Variants in PLPPR1 observed in about 807,000 individuals in gnomAD.
The protein encoded by PLPPR1 is phospholipid phosphatase-related protein type 1.
Under a neutral mutation model 33.1 loss-of-function variants are expected in PLPPR1, and 10 were observed. The observed-to-expected ratio is 0.30, with a 90% confidence interval of 0.19 to 0.51. The LOEUF (loss-of-function observed/expected upper bound fraction) is 0.51. Among genes scored for constraint, PLPPR1 ranks in the 20% least tolerant of loss-of-function variants. The pLI is 0.97. For synonymous variants in PLPPR1, 151 were observed against 151.0 expected, an observed-to-expected ratio of 1.00 and a Z score of 0.00; for missense variants, 304 against 408.1, an observed-to-expected ratio of 0.74 and a Z score of 2.20.
chr9:101,101,084 C>A (rs990336906), intron 1 of PLPPR1, among the ~76,000 whole-genome samples: 10 of 152,126 alleles, frequency 6.6e-5, no homozygotes, highest in Admixed American at 2.6e-4. Context: ...TTTGTGCATT[C>A]TTTTATTATA....
At chr9:101,168,905 T>C (rs535335201) in intron 1 of PLPPR1, among the ~76,000 whole-genome samples, 5 of 152,260 alleles carry the variant, frequency 3.3e-5, no homozygotes, top group African/African-American at 1.2e-4. Context: ...CCTTGACCTT[T>C]TATGTAGTCA....
At chr9:101,244,698 C>T (rs929795900) in intron 2 of PLPPR1, among the ~76,000 whole-genome samples, 3 of 151,812 alleles carry the variant, frequency 2.0e-5, no homozygotes, top group African/African-American at 7.2e-5. Context: ...CAATAAAATG[C>T]ATCTTTGATG....
chr9:101,108,073 G>C (rs550884634), intron 1 of PLPPR1, among the ~76,000 whole-genome samples: 1 of 150,458 alleles, frequency 6.6e-6, no homozygotes. Context: ...AGATGAACCC[G>C]GTACCTCAGA....
intron 1 of PLPPR1, among the ~76,000 whole-genome samples, chr9:101,121,523 C>A (rs1285178200): frequency 1.3e-5 from 2 of 152,158 alleles, no homozygotes; most frequent in Non-Finnish European, 2.9e-5. Flanking sequence ...TATTACCATG[C>A]ATTTTAGTTG....
intron 1 of PLPPR1, among the ~76,000 whole-genome samples, chr9:101,071,578 A>G (rs952168260): frequency 6.7e-6 from 1 of 150,156 alleles, no homozygotes; most frequent in Non-Finnish European, 1.5e-5. Flanking sequence ...AACAGAAAAA[A>G]TCATGTGAGA....
At chr9:101,241,977 AAG>A (rs1313595906) in intron 2 of PLPPR1, among the ~76,000 whole-genome samples, 1 of 152,080 alleles carries the variant, frequency 6.6e-6, no homozygotes, top group African/African-American at 2.4e-5. Flanking sequence ...GGAATTCAGA[AAG>A]AATCTGGCTG....
chr9:101,070,522 T>C (rs1337307945), intron 1 of PLPPR1, among the ~76,000 whole-genome samples: 5 of 151,994 alleles, frequency 3.3e-5, no homozygotes, highest in African/African-American at 7.2e-5. Flanking sequence ...GATTATTAGA[T>C]CAACCTTTTC....
intron 1 of PLPPR1, among the ~76,000 whole-genome samples, chr9:101,032,467 C>G (rs1829957740): frequency 6.6e-6 from 1 of 152,140 alleles, no homozygotes; most frequent in Non-Finnish European, 1.5e-5. Flanking sequence ...AAGGGCCTTC[C>G]TTCTTCTGTG....
chr9:101,223,032 G>T, intron 2 of PLPPR1, among the ~76,000 whole-genome samples: 1 of 151,584 alleles, frequency 6.6e-6, no homozygotes, highest in East Asian at 1.9e-4. Context: ...ATGGAGTGGG[G>T]CCTGGTGCAG....
intron 4 of PLPPR1, among the ~76,000 whole-genome samples, chr9:101,304,495 A>G (rs1828810919): frequency 6.6e-6 from 1 of 152,258 alleles, no homozygotes; most frequent in Non-Finnish European, 1.5e-5. Flanking sequence ...AATGTGACAG[A>G]TGGAAATTAT....
intron 2 of PLPPR1, among the ~76,000 whole-genome samples, chr9:101,238,210 A>G (rs1290208481): frequency 1.5e-5 from 2 of 136,764 alleles, no homozygotes; most frequent in African/African-American, 5.3e-5. Flanking sequence ...CTATATATAT[A>G]CCTATATATA....
Position 101,156,569 on chromosome 9 carries a change from A to AG in PLPPR1, c.-45-28881_-45-28880insG, listed in dbSNP as rs796909144. 9.5e-4 allele frequency among the ~76,000 whole-genome samples: 105 copies of AG among 110,244 alleles called. 1 individual carries two copies. The highest frequency in any genetic ancestry group is 4.7e-3 in the Middle Eastern group (1 of 212). 72.3% of individuals were successfully genotyped at this position (110,244 alleles called of 152,430 possible). A position where few individuals can be genotyped will look rare whatever the true frequency, so the allele number is the denominator to read the frequency against. ...CCTGTCTCCAAAAAAAAAAAAAAAA[A>AG]AAAAGAAAGAAAGAAAGAAAAAAAA... On this transcript the variant is annotated intron_variant, in intron 1 of 7. Transcript: ENST00000374874.
chr9:101,113,766 C>CT (rs111639465), intron 1 of PLPPR1, among the ~76,000 whole-genome samples: 10 of 151,400 alleles, frequency 6.6e-5, no homozygotes, highest in African/African-American at 1.5e-4. Flanking sequence ...ATAGACATAC[C>CT]TTTTTTTTTC....
intron 2 of PLPPR1, among the ~76,000 whole-genome samples, chr9:101,201,701 T>C (rs540516381): frequency 1.3e-5 from 2 of 152,306 alleles, no homozygotes; most frequent in Admixed American, 6.5e-5. Flanking sequence ...AGAGCAAATA[T>C]GAAAAAGCTA....
At chr9:101,234,160 T>A (rs149729599) in intron 2 of PLPPR1, among the ~76,000 whole-genome samples, 1 of 151,996 alleles carries the variant, frequency 6.6e-6, no homozygotes, top group Non-Finnish European at 1.5e-5. Context: ...TTCTCTGTCA[T>A]TCAAGTTCTT....
At chr9:101,311,018 T>C (rs1332047078) in intron 5 of PLPPR1, among the ~76,000 whole-genome samples, 2 of 152,216 alleles carry the variant, frequency 1.3e-5, no homozygotes, top group Non-Finnish European at 2.9e-5. Flanking sequence ...GTATCCAACA[T>C]ATTTTCAAAT....
chr9:101,056,269 C>G (rs1202201990), intron 1 of PLPPR1, among the ~76,000 whole-genome samples: 1 of 152,176 alleles, frequency 6.6e-6, no homozygotes, highest in Non-Finnish European at 1.5e-5. Flanking sequence ...TGACTCTAGT[C>G]TAGAGATGAA....
At chr9:101,229,836 G>A (rs1386608661) in intron 2 of PLPPR1, among the ~76,000 whole-genome samples, 1 of 152,150 alleles carries the variant, frequency 6.6e-6, no homozygotes, top group Non-Finnish European at 1.5e-5. Flanking sequence ...CTGAAGTGGA[G>A]AGGCAATTTG....
intron 2 of PLPPR1, among the ~76,000 whole-genome samples, chr9:101,263,683 A>C (rs529586867): frequency 6.6e-6 from 1 of 152,228 alleles, no homozygotes; most frequent in East Asian, 1.9e-4. Flanking sequence ...GTGGAGAGAG[A>C]TATTTATAGT....
Sources: gnomAD v4.1 joint callset for allele counts (sites outside exome capture counted in the v4.1 genomes callset) on GRCh38, gnomAD v4.1.1 for gene constraint, MANE v1.5 for transcripts, NCBI Gene and HGNC (gene_info 2026-07-23, HGNC 2026-07-21) for gene names.